COL11A2: variants seen among roughly 807,000 people sequenced by gnomAD.
COL11A2 encodes collagen alpha-2(XI) chain.
Under a neutral mutation model 273.4 loss-of-function variants are expected in COL11A2, and 116 were observed. That is an observed-to-expected ratio of 0.42 (90% confidence interval 0.36 to 0.49). COL11A2 has a LOEUF of 0.49. Ranked by LOEUF, COL11A2 falls within the 20% of genes least tolerant of loss-of-function variation. COL11A2 has a pLI of 0.00. For missense variants in COL11A2, 1,866 were observed against 2,309.0 expected (o/e 0.81, Z 3.93); for synonymous variants, 782 against 864.2 (o/e 0.90, Z 1.67).
At position 33,168,568 on chromosome 6, in the gene COL11A2, G is replaced by A; in HGVS notation, c.3911C>T (p.Ser1304Phe). ...GEDGEPGQPGSPGPTGENGPP... is the reference protein window; with the variant it reads ...GEDGEPGQPGFPGPTGENGPP... The stretch of plus-strand genomic sequence containing the variant: ...TCCATTCTCCCCGGTGGGACCAGGG[G>A]ATCCCTAGGGAGAGAGGAATTGGGG... Residue 1304 changes from serine (S) to phenylalanine (F), a missense_variant, in exon 54 of 66, where the codon TCC becomes TTC. Coordinates refer to ENST00000341947, the MANE Select transcript of COL11A2 (RefSeq NM_080680.3). 6.2e-7 allele frequency: 1 copy of A among 1,613,598 alleles called. No homozygotes were observed. Among genetic ancestry groups the A allele is most frequent in the Non-Finnish European group, 8.5e-7 (1 of 1,179,810 alleles).
Position 33,167,950 on chromosome 6 carries a change from C to A in COL11A2, c.3961-98G>T. ...CTAGACACACACATACACATGCACACACACACGTGCATACACAGGGACACG... is the reference window on the plus strand; with the variant it reads ...CTAGACACACACATACACATGCACAAACACACGTGCATACACAGGGACACG... On this transcript the variant is annotated intron_variant, in intron 54 of 65. Coordinates refer to ENST00000341947, the MANE Select transcript of COL11A2 (RefSeq NM_080680.3). This position sits in a 1 kb window ranked among gnomAD's most constrained non-coding sequence, Gnocchi z 6.1. 1 of 1,260,300 alleles carries A rather than the reference C, an allele frequency of 7.9e-7. No homozygotes were observed. The highest frequency in any genetic ancestry group is 1.1e-6 in the Non-Finnish European group (1 of 872,222). The allele number at this position is 1,260,300 out of a possible 1,614,324, so 78.1% of individuals were successfully genotyped here.
Position 33,189,292 on chromosome 6 carries a change from C to T in COL11A2, c.232+28G>A, listed in dbSNP as rs530546737. On this transcript the variant is annotated intron_variant, in intron 2 of 65. Transcript: ENST00000341947. The surrounding 1 kb of genome is among the most constrained non-coding windows in gnomAD (Gnocchi z 5.6). ...TAGGCCCCATCCCATTACCTCCCCC[C>T]AGGCCTACCCCACCATGTCACCCAT... 7 of 1,614,058 alleles carry T rather than the reference C, an allele frequency of 4.3e-6. No homozygotes were observed. The East Asian group carries it at 1.6e-4, about 36-fold the overall frequency.
intron 1 of COL11A2, among the ~76,000 whole-genome samples, chr6:33,191,577 G>A (rs769333750): frequency 1.3e-5 from 2 of 152,264 alleles, no homozygotes; most frequent in African/African-American, 2.4e-5. Context: ...TGGCCTGTCC[G>A]GAGGGCCGTC....
In COL11A2 at chr6:33,173,222, G is replaced by T; in HGVS notation, c.2737-109C>A. The T allele has an allele frequency of 2.0e-6, 3 of 1,521,834 alleles. No individual in the cohort carries two copies. Among genetic ancestry groups the T allele is most frequent in the Non-Finnish European group, 2.7e-6 (3 of 1,110,772 alleles). The allele number at this position is 1,521,834 out of a possible 1,614,324, so 94.3% of individuals were successfully genotyped here. On this transcript the variant is annotated intron_variant, in intron 37 of 65. Transcript: ENST00000341947. The surrounding 1 kb of genome is among the most constrained non-coding windows in gnomAD (Gnocchi z 6.3). The stretch of plus-strand genomic sequence containing the variant: ...GATCACACCAAGCCCTGGGCCCTGG[G>T]TCTGAGCAGCACCAGGGCAGGCTCC...
rs760210341 is a variant in COL11A2 at position 33,170,804 on chromosome 6, A to G, written c.3474+6T>C. 3.4e-5 allele frequency: 54 copies of G among 1,611,302 alleles called. No individual in the cohort carries two copies. The highest frequency in any genetic ancestry group is 4.3e-5 in the Non-Finnish European group (51 of 1,179,306). Reference sequence around the variant, plus strand: ...CTCTCAGCCCCTGTCCTATCCCCCAACACACCTGTAGGCCAATGGGTCCTG... The same window carrying G: ...CTCTCAGCCCCTGTCCTATCCCCCAGCACACCTGTAGGCCAATGGGTCCTG... On this transcript the variant is annotated splice_donor_region_variant and intron_variant, in intron 46 of 65. Transcript: ENST00000341947. This position sits in a 1 kb window ranked among gnomAD's most constrained non-coding sequence, Gnocchi z 4.3.
In COL11A2 at chr6:33,177,491, T is replaced by C. The variant is rs1046231305; in HGVS notation, c.1918-26A>G. Reference sequence around the variant, plus strand: ...CTAGAAACAGGTGACCAGGCACAGGTCAGAAGGAGATGGAGATAGAACACA... The same window carrying C: ...CTAGAAACAGGTGACCAGGCACAGGCCAGAAGGAGATGGAGATAGAACACA... On this transcript the variant is annotated intron_variant, in intron 22 of 65. Coordinates refer to ENST00000341947, the MANE Select transcript of COL11A2 (RefSeq NM_080680.3). The surrounding 1 kb of genome is among the most constrained non-coding windows in gnomAD (Gnocchi z 5.9). 6.2e-7 allele frequency: 1 copy of C among 1,611,792 alleles called. No individual in the cohort carries two copies. Among genetic ancestry groups the C allele is most frequent in the Non-Finnish European group, 8.5e-7 (1 of 1,179,394 alleles).
Position 33,172,606 on chromosome 6 carries a change from TC to T in COL11A2, c.2821del (p.Glu941ArgfsTer43). On this transcript the variant is annotated frameshift_variant, in exon 39 of 66. Transcript: ENST00000341947. LOFTEE classifies it high-confidence loss of function. ...GAAGETGPMG[E>X]RGHPGPPGPP... The stretch of plus-strand genomic sequence containing the variant: ...CCCCGGGGGGCCTGGGTGACCTCTC[TC>T]CCCCATAGGGCCGGTTTCTCCTGCT... 1 of 1,612,226 alleles carries T rather than the reference TC, an allele frequency of 6.2e-7. No individual in the cohort carries two copies.
Position 33,166,089 on chromosome 6 carries a change from G to A in COL11A2, c.4428+82C>T. The A allele has an allele frequency of 1.9e-6, 3 of 1,601,918 alleles. No individual in the cohort carries two copies. The highest frequency in any genetic ancestry group is 1.1e-5 in the South Asian group (1 of 89,926). On this transcript the variant is annotated intron_variant, in intron 61 of 65. Coordinates refer to ENST00000341947, the MANE Select transcript of COL11A2 (RefSeq NM_080680.3). The surrounding 1 kb of genome is among the most constrained non-coding windows in gnomAD (Gnocchi z 4.8). Reference sequence around the variant, plus strand: ...CCTGGCTGGAATAAGGGGCTCCTTGGGGGGAGTCTATTTGTCCTGGAGAGA... The same window carrying A: ...CCTGGCTGGAATAAGGGGCTCCTTGAGGGGAGTCTATTTGTCCTGGAGAGA...
At chr6:33,174,922 C>T (rs1010255910) in intron 30 of COL11A2, among the ~76,000 whole-genome samples, 6 of 152,148 alleles carry the variant, frequency 3.9e-5, no homozygotes, top group African/African-American at 1.2e-4. Flanking sequence ...AGCACCCACT[C>T]CTGCTTCACC....
chr6:33,167,628 G>A lies in COL11A2; in HGVS notation c.4015-95C>T, dbSNP rs1769361301. ...AAGGTGGGAGGCAGGAGGCAGGGAG[G>A]AAGGGCCAAACTCTAGGAGCCCCTA... is the stretch of plus-strand genomic sequence containing the variant. On this transcript the variant is annotated intron_variant, in intron 55 of 65. Transcript: ENST00000341947. This position sits in a 1 kb window ranked among gnomAD's most constrained non-coding sequence, Gnocchi z 6.1. 2 of 1,500,976 alleles carry A rather than the reference G, an allele frequency of 1.3e-6. No individual in the cohort carries two copies. The highest frequency in any genetic ancestry group is 1.2e-5 in the South Asian group (1 of 86,082). The allele number at this position is 1,500,976 out of a possible 1,614,324, so 93.0% of individuals were successfully genotyped here.
intron 4 of COL11A2, 119 bp from the exon 5 acceptor site, chr6:33,186,937 T>C: frequency 1.5e-6 from 2 of 1,365,902 alleles, no homozygotes. Flanking sequence ...AGAAGGTCAC[T>C]GTCAGTCCTC....
At position 33,172,682 on chromosome 6, in the gene COL11A2, C is replaced by T. The variant is rs779049097; in HGVS notation, c.2791-45G>A. Reference sequence around the variant, plus strand: ...GTTCCTGCTCTCAGGCCCTTCATCTCGCTGTCTGCCAGAAGAGCCCACCCT... The same window carrying T: ...GTTCCTGCTCTCAGGCCCTTCATCTTGCTGTCTGCCAGAAGAGCCCACCCT... On this transcript the variant is annotated intron_variant, in intron 38 of 65. Transcript: ENST00000341947. 6.4e-6 allele frequency: 10 copies of T among 1,554,330 alleles called. No homozygotes were observed. In the African/African-American group the frequency reaches 9.5e-5, roughly 15 times the overall value.
In COL11A2 at chr6:33,190,891, C is replaced by T. The variant is rs1773031316; in HGVS notation, c.82+1268G>A. Among the ~76,000 whole-genome samples, 1 of 152,080 alleles carries T rather than the reference C, an allele frequency of 6.6e-6. No homozygotes were observed. ...CATATGGACAACCTACCCACAGGTC[C>T]GCCCACCATCTTCCCACACCAGGCC... On this transcript the variant is annotated intron_variant, in intron 1 of 65. Coordinates refer to ENST00000341947, the MANE Select transcript of COL11A2 (RefSeq NM_080680.3). The surrounding 1 kb of genome is among the most constrained non-coding windows in gnomAD (Gnocchi z 4.5).
Position 33,164,433 on chromosome 6 carries a change from AC to A in COL11A2, c.4903del (p.Val1635SerfsTer30). Reference protein sequence around the residue: ...VDSEGSPVGVVQLTFLRLLSV... With the variant: ...VDSEGSPVGVXQLTFLRLLSV... The stretch of plus-strand genomic sequence containing the variant: ...GAGCAGCCGCAGGAAGGTGAGCTGG[AC>A]CACACCCACTGGGGAGCCCTCTGAG... On this transcript the variant is annotated frameshift_variant, in exon 65 of 66. Transcript: ENST00000341947. LOFTEE classifies it high-confidence loss of function. The surrounding 1 kb of genome is among the most constrained non-coding windows in gnomAD (Gnocchi z 4.7). 1 of 1,586,838 alleles carries A rather than the reference AC, an allele frequency of 6.3e-7. No homozygotes were observed. The highest frequency in any genetic ancestry group is 8.6e-7 in the Non-Finnish European group (1 of 1,166,488).
At position 33,179,672 on chromosome 6, in the gene COL11A2, C is replaced by T. The variant is rs767021383; in HGVS notation, c.1446+47G>A. The T allele has an allele frequency of 6.9e-6, 11 of 1,602,078 alleles. No homozygotes were observed. Among genetic ancestry groups the T allele is most frequent in the Non-Finnish European group, 9.4e-6 (11 of 1,174,200 alleles). ...GCACACTCACTCCAGCCAACCCTTC[C>T]AGTGCCCCCCAGAGCCTTCCCTTTC... On this transcript the variant is annotated intron_variant, in intron 13 of 65. Coordinates refer to ENST00000341947, the MANE Select transcript of COL11A2 (RefSeq NM_080680.3). The surrounding 1 kb of genome is among the most constrained non-coding windows in gnomAD (Gnocchi z 6.4).
At position 33,178,217 on chromosome 6, in the gene COL11A2, G is replaced by C; in HGVS notation, c.1819-32C>G. The C allele has an allele frequency of 6.2e-7, 1 of 1,612,636 alleles. No individual in the cohort carries two copies. The highest frequency in any genetic ancestry group is 8.5e-7 in the Non-Finnish European group (1 of 1,179,774). ...TCACGGTGAGGGGAGGAGACGGCAT[G>C]AATGGATAAAACTGTGTCCCTTTAG... is the stretch of plus-strand genomic sequence containing the variant. On this transcript the variant is annotated intron_variant, in intron 20 of 65. Transcript: ENST00000341947. The surrounding 1 kb of genome is among the most constrained non-coding windows in gnomAD (Gnocchi z 4.6).
rs1583302206 is a variant in COL11A2 at position 33,169,300 on chromosome 6, A to G, written c.3798+83T>C. ...ACTCCCGGGCTCCCCACACTCCAAG[A>G]TCCTCCCTCACACACACCCATATTC... On this transcript the variant is annotated intron_variant, in intron 51 of 65. Transcript: ENST00000341947. This position sits in a 1 kb window ranked among gnomAD's most constrained non-coding sequence, Gnocchi z 5.5. 2.9e-5 allele frequency: 37 copies of G among 1,296,466 alleles called. No individual in the cohort carries two copies. In the South Asian group the frequency reaches 4.3e-4, roughly 15 times the overall value. 80.3% of individuals were successfully genotyped at this position (1,296,466 alleles called of 1,614,324 possible).
At position 33,176,263 on chromosome 6, in the gene COL11A2, T is replaced by A; in HGVS notation, c.2210A>T (p.Glu737Val). The change falls in exon 28 of 66, where the codon GAG becomes GTG. Residue 737 changes from glutamate (E) to valine (V), a missense_variant. Transcript: ENST00000341947. This position sits in a 1 kb window ranked among gnomAD's most constrained non-coding sequence, Gnocchi z 4.9. Reference protein sequence around the residue: ...GIRGLKGHKGEKGEDGFPGFK... With the variant: ...GIRGLKGHKGVKGEDGFPGFK... ...AGCTGGGGGCATGGTGCTCACCTTC[T>A]CACCCTTATGACCCTTCAGACCCCG... The A allele has an allele frequency of 6.2e-7, 1 of 1,608,398 alleles. No homozygotes were observed. The highest frequency in any genetic ancestry group is 8.5e-7 in the Non-Finnish European group (1 of 1,177,758).
In COL11A2 at chr6:33,169,283, G is replaced by A. The variant is rs1016600145; in HGVS notation, c.3798+100C>T. On this transcript the variant is annotated intron_variant, in intron 51 of 65. Transcript: ENST00000341947. The surrounding 1 kb of genome is among the most constrained non-coding windows in gnomAD (Gnocchi z 5.5). ...CCCAGAGCATCCCCCAAACTCCCGG[G>A]CTCCCCACACTCCAAGATCCTCCCT... 3 of 1,135,892 alleles carry A rather than the reference G, an allele frequency of 2.6e-6. No homozygotes were observed. The highest frequency in any genetic ancestry group is 3.9e-6 in the Non-Finnish European group (3 of 775,864). 70.4% of individuals were successfully genotyped at this position (1,135,892 alleles called of 1,614,324 possible).
Sources: gnomAD v4.1 joint callset for allele counts (sites outside exome capture counted in the v4.1 genomes callset) on GRCh38, gnomAD v4.1.1 for gene constraint, Gnocchi (gnomAD v3.1) non-coding constraint, MANE v1.5 for transcripts, NCBI Gene and HGNC (gene_info 2026-07-23, HGNC 2026-07-21) for gene names.